Variants in CHMP2B observed in about 807,000 individuals in gnomAD.
CHMP2B encodes the protein charged multivesicular body protein 2B.
Under a neutral mutation model 29.8 loss-of-function variants are expected in CHMP2B, and 22 were observed. The observed-to-expected ratio is 0.74, with a 90% CI of 0.53 to 1.05. The LOEUF (loss-of-function observed/expected upper bound fraction) is 1.05, where lower values mean the gene tolerates loss of function less well. CHMP2B is among the 50% of genes least tolerant of loss of function. The probability of loss-of-function intolerance (pLI) is 0.00; values close to 1 mark genes in which losing one functional copy is unlikely to be tolerated. For missense variants in CHMP2B, 261 were observed against 252.2 expected (o/e 1.03, Z -0.24); for synonymous variants, 78 against 75.8 (o/e 1.03, Z -0.15).
At chr3:87,242,284 T>C (rs112386052) in intron 2 of CHMP2B, among the ~76,000 whole-genome samples, 1,633 of 152,252 alleles carry the variant, frequency 0.011, 32 homozygotes, top group South Asian at 0.09. Flanking sequence ...GAAAGGGTTT[T>C]TTGGGTTATT....
At chr3:87,240,824 C>G in intron 2 of CHMP2B, 34 bp downstream of exon 2, 1 of 1,538,804 alleles carries the variant, frequency 6.5e-7, no homozygotes, top group Non-Finnish European at 9.0e-7. Flanking sequence ...TTTAACTTTT[C>G]AAACAAATTT....
intron 2 of CHMP2B, among the ~76,000 whole-genome samples, chr3:87,244,416 CTATGT>C (rs1286438797): frequency 3.3e-5 from 5 of 149,456 alleles, no homozygotes; most frequent in African/African-American, 9.9e-5. Context: ...CTTCTTTTTT[CTATGT>C]TATGTTGAAG....
chr3:87,236,673 G>T (rs559879099), intron 1 of CHMP2B, among the ~76,000 whole-genome samples: 162 of 152,128 alleles, frequency 1.1e-3, no homozygotes, highest in Middle Eastern at 6.8e-3. Context: ...CCAACATGGT[G>T]AAACCCCGTC....
chr3:87,229,441 A>G (rs973398006), intron 1 of CHMP2B, among the ~76,000 whole-genome samples: 6 of 40,588 alleles, frequency 1.5e-4, no homozygotes, highest in African/African-American at 6.6e-4. Flanking sequence ...CAAGATGCAT[A>G]CTTGATGTTT....
At chr3:87,248,120 A>G (rs1706249352) in intron 3 of CHMP2B, among the ~76,000 whole-genome samples, 1 of 151,936 alleles carries the variant, frequency 6.6e-6, no homozygotes, top group Non-Finnish European at 1.5e-5. Flanking sequence ...CAACATGGCA[A>G]AACCCCACCT....
intron 1 of CHMP2B, among the ~76,000 whole-genome samples, chr3:87,230,799 T>A (rs987970223): frequency 1.1e-4 from 17 of 152,192 alleles, no homozygotes; most frequent in African/African-American, 4.1e-4. Flanking sequence ...AATGAGATGT[T>A]GCTTAGATCA....
intron 3 of CHMP2B, among the ~76,000 whole-genome samples, chr3:87,247,921 T>C (rs1706243584): frequency 6.6e-6 from 1 of 152,044 alleles, no homozygotes; most frequent in Non-Finnish European, 1.5e-5. Context: ...ACCAATACAT[T>C]TGTGCAAATA....
chr3:87,229,151 G>T (rs1705863338), intron 1 of CHMP2B, among the ~76,000 whole-genome samples: 1 of 152,090 alleles, frequency 6.6e-6, no homozygotes, highest in East Asian at 1.9e-4. Context: ...TATTTTCAAA[G>T]ACATAAATCT....
intron 1 of CHMP2B, among the ~76,000 whole-genome samples, chr3:87,238,903 C>T (rs1279243634): frequency 6.6e-6 from 1 of 152,108 alleles, no homozygotes; most frequent in Non-Finnish European, 1.5e-5. Context: ...TTTTACATTC[C>T]GACGAGCAAT....
chr3:87,239,262 T>G (rs1194788561), intron 1 of CHMP2B, among the ~76,000 whole-genome samples: 1 of 151,194 alleles, frequency 6.6e-6, no homozygotes, highest in African/African-American at 2.4e-5. Context: ...CATAAAATTT[T>G]TAATTTTCAC....
At chr3:87,239,645 GT>G (rs1559607132) in intron 1 of CHMP2B, among the ~76,000 whole-genome samples, 1 of 152,132 alleles carries the variant, frequency 6.6e-6, no homozygotes, top group African/African-American at 2.4e-5. Context: ...TGCTATCTAT[GT>G]GGCTTTGGGC....
At position 87,227,537 on chromosome 3, in the gene CHMP2B, C is replaced by G; in HGVS notation, c.15C>G (p.Phe5Leu). Reference sequence around the variant, plus strand: ...AGTCTTTAACCATGGCGTCCCTCTTCAAGAAGAAAACCGTGGATGGTGAGT... The same window carrying G: ...AGTCTTTAACCATGGCGTCCCTCTTGAAGAAGAAAACCGTGGATGGTGAGT... MASL[F>L]KKKTVDDVIK... Residue 5 changes from phenylalanine (F) to leucine (L), a missense_variant, in exon 1 of 6, where the codon TTC becomes TTG. By Grantham distance (22) the Phe-to-Leu change is conservative. Transcript: ENST00000263780. The G allele has an allele frequency of 6.2e-7, 1 of 1,614,188 alleles. No homozygotes were observed. Among genetic ancestry groups the G allele is most frequent in the Non-Finnish European group, 8.5e-7 (1 of 1,180,030 alleles).
At chr3:87,252,547 C>T (rs192364936) in intron 4 of CHMP2B, among the ~76,000 whole-genome samples, 1 of 152,028 alleles carries the variant, frequency 6.6e-6, no homozygotes, top group East Asian at 1.9e-4. Context: ...GATTACTTCA[C>T]ATGTAACTTC....
At chr3:87,243,794 C>G (rs1706163527) in intron 2 of CHMP2B, among the ~76,000 whole-genome samples, 1 of 152,026 alleles carries the variant, frequency 6.6e-6, no homozygotes, top group African/African-American at 2.4e-5. Flanking sequence ...TATGCCCTTA[C>G]TATCCTTTAA....
intron 1 of CHMP2B, among the ~76,000 whole-genome samples, chr3:87,230,965 C>T (rs890541024): frequency 6.6e-6 from 1 of 152,104 alleles, no homozygotes; most frequent in Non-Finnish European, 1.5e-5. Context: ...TCAAATTCCT[C>T]TGACCACTCC....
chr3:87,241,038 A>G (rs922627010), intron 2 of CHMP2B, among the ~76,000 whole-genome samples: 12 of 152,216 alleles, frequency 7.9e-5, no homozygotes, highest in African/African-American at 2.2e-4. Context: ...TGTGAGAGTC[A>G]TAAGTATCTA....
chr3:87,245,260 C>G (rs1200600917), intron 2 of CHMP2B, among the ~76,000 whole-genome samples: 1 of 152,072 alleles, frequency 6.6e-6, no homozygotes, highest in Admixed American at 6.6e-5. Context: ...GCTTTCTTAT[C>G]TAATCCGACA....
chr3:87,246,376 A>G (rs938802570), intron 3 of CHMP2B, among the ~76,000 whole-genome samples: 3 of 152,124 alleles, frequency 2.0e-5, no homozygotes, highest in Admixed American at 6.6e-5. Flanking sequence ...ATCTCAGATG[A>G]TTCGCCTGCC....
intron 3 of CHMP2B, 34 bp downstream of exon 3, chr3:87,245,942 A>C (rs1423809646): frequency 7.2e-6 from 11 of 1,521,492 alleles, no homozygotes; most frequent in Non-Finnish European, 1.0e-5. Context: ...TAGATTTTTA[A>C]TTTTATCAAC....
Sources: gnomAD v4.1 joint callset for allele counts (sites outside exome capture counted in the v4.1 genomes callset) on GRCh38, gnomAD v4.1.1 for gene constraint, MANE v1.5 for transcripts, NCBI Gene and HGNC (gene_info 2026-07-23, HGNC 2026-07-21) for gene names.